ZC3H11A: variants seen among roughly 807,000 people sequenced by gnomAD.
ZC3H11A encodes zinc finger CCCH domain-containing protein 11A.
ZC3H11A carries 22 observed loss-of-function variants against 90.8 expected under a neutral mutation model. That is an observed-to-expected ratio of 0.24 (90% CI 0.17 to 0.35). The LOEUF (loss-of-function observed/expected upper bound fraction) is 0.35, where lower values mean the gene tolerates loss of function less well. Ranked by LOEUF, ZC3H11A falls within the 10% of genes least tolerant of loss-of-function variation. The pLI, the probability that ZC3H11A is intolerant of heterozygous loss-of-function variation, is 1.00. For synonymous variants in ZC3H11A, 294 were observed against 339.8 expected, an observed-to-expected ratio of 0.87 and a Z score of 1.48; for missense variants, 701 against 964.9, an observed-to-expected ratio of 0.73 and a Z score of 3.62.
rs372239660 is a variant in ZC3H11A at position 203,838,070 on chromosome 1, T to A, written c.973+6T>A. ...TGACAAAACACCAAAGAAAGGTACC[T>A]GTGTTCTTACATACTTTGTGTGTGT... is the stretch of plus-strand genomic sequence containing the variant. On this transcript the variant is annotated splice_donor_region_variant and intron_variant, in intron 11 of 17. Coordinates refer to ENST00000367210, the MANE Select transcript of ZC3H11A (RefSeq NM_001376342.1). 1.2e-6 allele frequency: 2 copies of A among 1,607,788 alleles called. No homozygotes were observed. The highest frequency in any genetic ancestry group is 1.7e-6 in the Non-Finnish European group (2 of 1,174,392).
chr1:203,844,018 C>T (rs375028863), intron 12 of ZC3H11A, among the ~76,000 whole-genome samples: 128 of 150,890 alleles, frequency 8.5e-4, no homozygotes, highest in African/African-American at 2.9e-3. Flanking sequence ...CTACCACGCC[C>T]GGCTAATTTT....
intron 12 of ZC3H11A, among the ~76,000 whole-genome samples, chr1:203,844,470 G>A (rs185359302): frequency 6.6e-6 from 1 of 152,276 alleles, no homozygotes; most frequent in African/African-American, 2.4e-5. Context: ...CGCCTGGCCT[G>A]CTCTGGGATT....
chr1:203,805,052 C>A (rs1671818807), intron 2 of ZC3H11A, among the ~76,000 whole-genome samples: 1 of 151,612 alleles, frequency 6.6e-6, no homozygotes. Context: ...ATGTCCTATT[C>A]ATCAAATATC....
At chr1:203,830,228 A>G (rs1435995082) in intron 8 of ZC3H11A, 25 bp downstream of exon 8, 2 of 1,551,910 alleles carry the variant, frequency 1.3e-6, no homozygotes, top group Non-Finnish European at 1.8e-6. Context: ...TTTGGCATGG[A>G]TAGTTGTATG....
rs1330434322 is a variant in ZC3H11A at position 203,849,766 on chromosome 1, A to C, written c.1679A>C (p.Glu560Ala). The C allele has an allele frequency of 1.2e-6, 2 of 1,613,860 alleles. No homozygotes were observed. Among genetic ancestry groups the C allele is most frequent in the Non-Finnish European group, 1.7e-6 (2 of 1,179,880 alleles). Residue 560 changes from glutamate to alanine, a missense_variant, in exon 15 of 18, where the codon GAG (glutamate) becomes GCG (alanine). This residue lies in a region of ZC3H11A where 530 missense variants were observed against 696.2 expected (regional missense o/e 0.76). Transcript: ENST00000367210. ...ACTAAAATTCAAGTCAAGAGATGTG[A>C]GACCATGAGAGAGAAGCACATGCAG... ...DITKIQVKRC[E>A]TMREKHMQKQ...
chr1:203,820,239 A>G (rs79753123), intron 4 of ZC3H11A, among the ~76,000 whole-genome samples: 2 of 141,514 alleles, frequency 1.4e-5, no homozygotes, highest in Non-Finnish European at 1.5e-5. Flanking sequence ...CATCTCAAGA[A>G]AAAAAAAAAA....
chr1:203,826,541 C>G (rs961596806), intron 4 of ZC3H11A, among the ~76,000 whole-genome samples: 2 of 152,130 alleles, frequency 1.3e-5, no homozygotes, highest in Non-Finnish European at 2.9e-5. Flanking sequence ...CTGCCTGATT[C>G]TTCCACGTCC....
intron 1 of ZC3H11A, chr1:203,798,430 C>T: frequency 6.5e-7 from 1 of 1,535,086 alleles, no homozygotes; most frequent in Non-Finnish European, 8.7e-7. Context: ...CACTTAGGGA[C>T]TTCAACACTT....
chr1:203,844,771 T>C (rs960053776), intron 12 of ZC3H11A, among the ~76,000 whole-genome samples: 1 of 152,134 alleles, frequency 6.6e-6, no homozygotes, highest in African/African-American at 2.4e-5. Context: ...AGTAAGACTT[T>C]ATTTTCTGAG....
In ZC3H11A at chr1:203,799,073, C is replaced by T. The variant is rs758254040; in HGVS notation, c.-1587-2502C>T. 134 of 1,535,938 alleles carry T rather than the reference C, an allele frequency of 8.7e-5. 1 individual carries two copies. The highest frequency in any genetic ancestry group is 1.6e-4 in the Admixed American group (8 of 50,964). On this transcript the variant is annotated intron_variant, in intron 1 of 17. Transcript: ENST00000367210. ...CTTTTCTCAATAATGGCAGGATCCC[C>T]GATTTTAGAAAGTGGGCAGTGCTTT...
rs1400623989 is a variant in ZC3H11A at position 203,800,150 on chromosome 1, A to G, written c.-1587-1425A>G. The G allele has an allele frequency of 2.6e-6, 4 of 1,535,672 alleles. No individual in the cohort carries two copies. In the African/African-American group the frequency reaches 4.1e-5, roughly 16 times the overall value. On this transcript the variant is annotated intron_variant, in intron 1 of 17. Coordinates refer to ENST00000367210, the MANE Select transcript of ZC3H11A (RefSeq NM_001376342.1). ...ATGAGTACTTCAAAGAGAAGTATTC[A>G]GAGTTCTCAGGAGGTGATGACCCTT...
At chr1:203,840,259 A>G (rs1251005045) in intron 11 of ZC3H11A, 47 bp from the exon 12 acceptor site, 2 of 1,589,280 alleles carry the variant, frequency 1.3e-6, no homozygotes. Flanking sequence ...TAAGCTGTAA[A>G]AAGTTTCTGT....
chr1:203,850,950 GC>G, intron 16 of ZC3H11A, 106 bp from the exon 17 acceptor site: 6 of 1,351,796 alleles, frequency 4.4e-6, no homozygotes, highest in Non-Finnish European at 6.2e-6. Flanking sequence ...AGATTCACAG[GC>G]TTAAAGAATC....
chr1:203,844,651 C>T (rs774416506), intron 12 of ZC3H11A, among the ~76,000 whole-genome samples: 1 of 152,126 alleles, frequency 6.6e-6, no homozygotes, highest in African/African-American at 2.4e-5. Context: ...AAGTTGTCCT[C>T]TCTCCTGACT....
intron 1 of ZC3H11A, 69 bp from the exon 2 acceptor site, chr1:203,801,506 A>G (rs2102424394): frequency 6.5e-6 from 1 of 152,680 alleles, no homozygotes; most frequent in African/African-American, 2.4e-5. Flanking sequence ...ACTTTTAGTA[A>G]AAGTCTATTA....
chr1:203,819,871 T>C (rs1173525654), intron 4 of ZC3H11A, among the ~76,000 whole-genome samples: 1 of 151,808 alleles, frequency 6.6e-6, no homozygotes, highest in East Asian at 1.9e-4. Context: ...AACATTGATA[T>C]ATTACCATCG....
At position 203,838,408 on chromosome 1, in the gene ZC3H11A, A is replaced by T. The variant is rs189511565; in HGVS notation, c.973+344A>T. Among the ~76,000 whole-genome samples the T allele has an allele frequency of 3.9e-5, 6 of 152,378 alleles. No homozygotes were observed. In the East Asian group the frequency reaches 1.2e-3, roughly 29 times the overall value. On this transcript the variant is annotated intron_variant, in intron 11 of 17. Coordinates refer to ENST00000367210, the MANE Select transcript of ZC3H11A (RefSeq NM_001376342.1). ...CTGTTAGGGGAAGGTTCACAGAAGA[A>T]GTTATGTTAAAGTTTAGACCTAAGA...
intron 2 of ZC3H11A, among the ~76,000 whole-genome samples, chr1:203,806,901 T>A (rs1205494367): frequency 6.8e-6 from 1 of 147,898 alleles, no homozygotes; most frequent in Non-Finnish European, 1.5e-5. Flanking sequence ...TTTTTAACCA[T>A]TTTTTCTTTT....
At position 203,829,572 on chromosome 1, in the gene ZC3H11A, A is replaced by G; in HGVS notation, c.420A>G (p.Lys140=). 1 of 1,614,160 alleles carries G rather than the reference A, an allele frequency of 6.2e-7. No individual in the cohort carries two copies. Among genetic ancestry groups the G allele is most frequent in the Non-Finnish European group, 8.5e-7 (1 of 1,180,020 alleles). The change falls in exon 6 of 18, where the codon AAA becomes AAG. Residue 140 remains lysine, a synonymous_variant. Transcript: ENST00000367210. ...CCCCTCAGCTGCGGAGCGTTATGAA[A>G]GTAGAAAGTTCCGAAAATGTTCCTA... is the stretch of plus-strand genomic sequence containing the variant. ...NPSPQLRSVM[K]VESSENVPSP... is the part of the protein sequence containing the mutation.
Sources: allele counts gnomAD v4.1 joint callset (sites outside exome capture counted in the v4.1 genomes callset), GRCh38; gene constraint gnomAD v4.1.1; regional missense constraint gnomAD v4.1.1; transcripts MANE v1.5; gene names NCBI Gene and HGNC (gene_info 2026-07-23, HGNC 2026-07-21).